Variants in ZC3H18 observed in about 807,000 individuals in gnomAD.
ZC3H18 encodes the protein zinc finger CCCH domain-containing protein 18.
Under a neutral mutation model 106.1 loss-of-function variants are expected in ZC3H18, and 8 were observed. The observed-to-expected ratio is 0.08, with a 90% CI of 0.04 to 0.14. The LOEUF (loss-of-function observed/expected upper bound fraction) is 0.14, where lower values mean the gene tolerates loss of function less well. Ranked by LOEUF, ZC3H18 falls within the 10% of genes least tolerant of loss-of-function variation. ZC3H18 has a pLI of 1.00. For missense variants in ZC3H18, 1,318 were observed against 1,278.4 expected (o/e 1.03, Z -0.47); for synonymous variants, 635 against 522.1 (o/e 1.22, Z -2.95).
rs1236568203 is a variant in ZC3H18, at chr16:88,624,587, C to A, written c.1899-15C>A. ...TCCACCAGCCCTGCCCTGCTCGAGC[C>A]TCCCTGTCTCACAGAGAGAAGTCAG... On this transcript the variant is annotated splice_polypyrimidine_tract_variant and intron_variant, in intron 11 of 17. Coordinates refer to ENST00000301011, the MANE Select transcript of ZC3H18 (RefSeq NM_144604.4). 3.7e-6 allele frequency: 6 copies of A among 1,613,558 alleles called. No homozygotes were observed. The highest frequency in any genetic ancestry group is 5.1e-6 in the Non-Finnish European group (6 of 1,179,982).
In ZC3H18 at chr16:88,591,972, A is replaced by G. The variant is rs139418581; in HGVS notation, c.688+5288A>G. Among the ~76,000 whole-genome samples the G allele has an allele frequency of 7.7e-4, 113 of 147,044 alleles. 1 individual carries two copies. The highest frequency in any genetic ancestry group is 3.6e-3 in the Middle Eastern group (1 of 278). On this transcript the variant is annotated intron_variant, in intron 3 of 17. Transcript: ENST00000301011. Reference sequence around the variant, plus strand: ...TGGTGGTTGTATGTTTCATCTTTTGAGGAACCGCTGGCAGCGGAGTTGCTG... The same window carrying G: ...TGGTGGTTGTATGTTTCATCTTTTGGGGAACCGCTGGCAGCGGAGTTGCTG...
chr16:88,600,099 C>A, intron 6 of ZC3H18, 151 bp downstream of exon 6: 3 of 1,026,580 alleles, frequency 2.9e-6, no homozygotes, highest in Non-Finnish European at 4.2e-6. Flanking sequence ...AGCATTCAGG[C>A]ACGGTTCTCA....
chr16:88,620,848 A>G (rs1905913451), intron 8 of ZC3H18, among the ~76,000 whole-genome samples: 1 of 151,810 alleles, frequency 6.6e-6, no homozygotes, highest in Admixed American at 6.6e-5. Context: ...GGTCAGTTTA[A>G]TATCATTTGT....
intron 7 of ZC3H18, 95 bp downstream of exon 7, chr16:88,609,146 G>A: frequency 2.1e-6 from 2 of 959,630 alleles, no homozygotes; most frequent in South Asian, 1.8e-5. Context: ...GGCTTTATAT[G>A]AGCTTATAGA....
chr16:88,597,332 A>T (rs1421723418), intron 3 of ZC3H18, among the ~76,000 whole-genome samples: 4 of 152,234 alleles, frequency 2.6e-5, no homozygotes, highest in African/African-American at 9.6e-5. Context: ...AGTTGGTTTT[A>T]ATGCAGGCTT....
chr16:88,622,530 C>A, intron 9 of ZC3H18, 142 bp downstream of exon 9: 3 of 914,716 alleles, frequency 3.3e-6, no homozygotes, highest in Non-Finnish European at 4.8e-6. Context: ...GTCAGTGGGA[C>A]TAACCCGGCG....
At chr16:88,593,471 A>AT (rs1229038194) in intron 3 of ZC3H18, among the ~76,000 whole-genome samples, 1 of 152,178 alleles carries the variant, frequency 6.6e-6, no homozygotes, top group African/African-American at 2.4e-5. Context: ...CTTAGGAATT[A>AT]TTTTTGGAAT....
At chr16:88,612,071 T>A (rs896839551) in intron 8 of ZC3H18, among the ~76,000 whole-genome samples, 4 of 152,024 alleles carry the variant, frequency 2.6e-5, no homozygotes, top group Non-Finnish European at 5.9e-5. Flanking sequence ...GTGCCTTGGG[T>A]GCAGAATGAT....
Position 88,622,361 on chromosome 16 carries a change from C to T in ZC3H18, c.1640C>T (p.Ser547Leu), listed in dbSNP as rs1485292907. 7 of 1,611,812 alleles carry T rather than the reference C, an allele frequency of 4.3e-6. No individual in the cohort carries two copies. The highest frequency in any genetic ancestry group is 1.3e-5 in the African/African-American group (1 of 74,882). The change falls in exon 9 of 18, where the codon TCG becomes TTG. Residue 547 changes from serine (S) to leucine (L), a missense_variant. Ser to Leu is a moderately radical substitution (Grantham distance 145). Transcript: ENST00000301011. Reference protein sequence around the residue: ...RARRRRKTSASSASASNSSRS... With the variant: ...RARRRRKTSALSASASNSSRS... Reference sequence around the variant, plus strand: ...CGAAGGCGTCGGAAAACATCAGCCTCGTCAGCCTCTGCCTCTAATTCCTCC... The same window carrying T: ...CGAAGGCGTCGGAAAACATCAGCCTTGTCAGCCTCTGCCTCTAATTCCTCC...
Position 88,617,218 on chromosome 16 carries a change from C to T in ZC3H18, c.1476-4979C>T, listed in dbSNP as rs528757068. 2.6e-5 allele frequency among the ~76,000 whole-genome samples: 4 copies of T among 152,302 alleles called. No individual in the cohort carries two copies. In the South Asian group the frequency reaches 8.3e-4, roughly 32 times the overall value. On this transcript the variant is annotated intron_variant, in intron 8 of 17. Transcript: ENST00000301011. The stretch of plus-strand genomic sequence containing the variant: ...CTAAGCTGTTTGGCTCTGGGAGTTA[C>T]TGGCTAGCTTGTCCCCGTCGGGATC...
At chr16:88,600,071 C>T in intron 6 of ZC3H18, 123 bp downstream of exon 6, 2 of 1,243,540 alleles carry the variant, frequency 1.6e-6, no homozygotes, top group Non-Finnish European at 2.2e-6. Flanking sequence ...TCACTGGAGT[C>T]TCAGTGACGT....
rs76746268 is a variant in ZC3H18, at chr16:88,611,530, C to G, written c.1469C>G (p.Pro490Arg). 2 of 1,549,566 alleles carry G rather than the reference C, an allele frequency of 1.3e-6. No homozygotes were observed. The highest frequency in any genetic ancestry group is 1.7e-6 in the Non-Finnish European group (2 of 1,146,558). The change falls in exon 8 of 18, where the codon CCG becomes CGG. Residue 490 changes from proline to arginine, a missense_variant. Pro to Arg is a moderately radical substitution (Grantham distance 103). Transcript: ENST00000301011. Reference protein sequence around the residue: ...KGKPKPRSPQPPSRQAEPPKK... With the variant: ...KGKPKPRSPQRPSRQAEPPKK... Reference sequence around the variant, plus strand: ...AAGCCCAAGCCCCGCTCCCCGCAGCCGCCAAGGTAGACCCTGCTTCCTGAA... The same window carrying G: ...AAGCCCAAGCCCCGCTCCCCGCAGCGGCCAAGGTAGACCCTGCTTCCTGAA...
At chr16:88,595,512 A>G (rs1904387202) in intron 3 of ZC3H18, among the ~76,000 whole-genome samples, 1 of 143,626 alleles carries the variant, frequency 7.0e-6, no homozygotes, top group African/African-American at 2.6e-5. Context: ...TGCTTTTTAA[A>G]TTATGAAAGT....
rs1906013090 is a variant in ZC3H18, at chr16:88,622,267, A to C, written c.1546A>C (p.Lys516Gln). Reference protein sequence around the residue: ...GPQVKRADEWKDPWRRSKSPK... With the variant: ...GPQVKRADEWQDPWRRSKSPK... ...GCAGGTGAAGAGAGCAGATGAGTGG[A>C]AGGACCCTTGGCGCCGATCCAAGTC... The change falls in exon 9 of 18, where the codon AAG (lysine) becomes CAG (glutamine). Residue 516 changes from lysine (K) to glutamine (Q), a missense_variant. Transcript: ENST00000301011. 1 of 1,614,032 alleles carries C rather than the reference A, an allele frequency of 6.2e-7. No homozygotes were observed. Among genetic ancestry groups the C allele is most frequent in the South Asian group, 1.1e-5 (1 of 91,078 alleles).
At position 88,627,858 on chromosome 16, in the gene ZC3H18, C is replaced by G; in HGVS notation, c.2270-62C>G. On this transcript the variant is annotated intron_variant, in intron 14 of 17. Transcript: ENST00000301011. This position sits in a 1 kb window ranked among gnomAD's most constrained non-coding sequence, Gnocchi z 4.5. ...CGGCATCAGCACAGACTTTGCCTGG[C>G]TGTTGGTGTGGCCATGGGAAAATCA... The G allele has an allele frequency of 6.2e-7, 1 of 1,612,754 alleles. No individual in the cohort carries two copies. Among genetic ancestry groups the G allele is most frequent in the Non-Finnish European group, 8.5e-7 (1 of 1,179,378 alleles).
chr16:88,600,685 C>T (rs7206465), intron 6 of ZC3H18, among the ~76,000 whole-genome samples: 47,386 of 152,150 alleles, frequency 0.31, 7,909 homozygotes, highest in Middle Eastern at 0.43. Flanking sequence ...AGTGCTGGGA[C>T]TACAGGCGTG....
chr16:88,622,639 G>C (rs1347624671), intron 9 of ZC3H18: 1 of 496,244 alleles, frequency 2.0e-6, no homozygotes, highest in Non-Finnish European at 3.6e-6. Context: ...TGCTCCCAGG[G>C]AGTCACAGGC....
At chr16:88,599,053 G>A (rs1042140381) in intron 5 of ZC3H18, among the ~76,000 whole-genome samples, 4 of 152,158 alleles carry the variant, frequency 2.6e-5, no homozygotes, top group African/African-American at 9.7e-5. Flanking sequence ...ACTGTCTCAG[G>A]CAGCAGCCCA....
chr16:88,630,215 T>G, intron 16 of ZC3H18: 1 of 417,384 alleles, frequency 2.4e-6, no homozygotes, highest in Non-Finnish European at 4.3e-6. Context: ...TCTTCAAAGC[T>G]AGGAAGGAGT....
Sources: gnomAD v4.1 joint callset for allele counts (sites outside exome capture counted in the v4.1 genomes callset) on GRCh38, gnomAD v4.1.1 for gene constraint, Gnocchi (gnomAD v3.1) non-coding constraint, MANE v1.5 for transcripts, NCBI Gene and HGNC (gene_info 2026-07-23, HGNC 2026-07-21) for gene names.